The following SMOC1 variants were observed in gnomAD, a reference collection of about 807,000 sequenced individuals.
SMOC1 encodes the protein SPARC-related modular calcium-binding protein 1.
SMOC1 carries 22 observed loss-of-function variants against 56.3 expected under a neutral mutation model. The ratio of observed to expected loss-of-function variants is 0.39; its 90% CI spans 0.28 to 0.56. The LOEUF (loss-of-function observed/expected upper bound fraction) is 0.56, where lower values mean the gene tolerates loss of function less well. Among genes scored for constraint, SMOC1 ranks in the 20% least tolerant of loss-of-function variants. The pLI is 0.61. For missense variants in SMOC1, 509 were observed against 565.4 expected (o/e 0.90, Z 1.01); for synonymous variants, 193 against 215.0 (o/e 0.90, Z 0.89).
At chr14:69,968,649 G>A (rs1249201191) in intron 3 of SMOC1, among the ~76,000 whole-genome samples, 1 of 152,178 alleles carries the variant, frequency 6.6e-6, no homozygotes, top group Non-Finnish European at 1.5e-5. Context: ...CCTGCTATCC[G>A]ATTTGGAGTA....
At chr14:69,948,545 T>C (rs1173232131) in intron 1 of SMOC1, among the ~76,000 whole-genome samples, 4 of 152,122 alleles carry the variant, frequency 2.6e-5, no homozygotes, top group African/African-American at 7.2e-5. Context: ...CAATCCATTT[T>C]CAAACCGATT....
At chr14:69,963,963 G>A (rs1394432261) in intron 3 of SMOC1, among the ~76,000 whole-genome samples, 1 of 152,076 alleles carries the variant, frequency 6.6e-6, no homozygotes, top group Non-Finnish European at 1.5e-5. Context: ...TAAGATGAGG[G>A]TGGATGGAGC....
intron 3 of SMOC1, among the ~76,000 whole-genome samples, chr14:69,973,726 G>A (rs1043538014): frequency 2.6e-5 from 4 of 152,288 alleles, no homozygotes; most frequent in Admixed American, 2.6e-4. Context: ...GGTCCATAGC[G>A]AAACAACTTG....
chr14:69,932,765 T>G (rs758714767), intron 1 of SMOC1, among the ~76,000 whole-genome samples: 1 of 152,146 alleles, frequency 6.6e-6, no homozygotes, highest in Non-Finnish European at 1.5e-5. Flanking sequence ...GGTGACCACT[T>G]ACAGGAGCTG....
intron 5 of SMOC1, among the ~76,000 whole-genome samples, chr14:69,988,812 A>G (rs1884459865): frequency 6.6e-6 from 1 of 152,206 alleles, no homozygotes; most frequent in Non-Finnish European, 1.5e-5. Flanking sequence ...TGTGGTATTT[A>G]CATCTGGATT....
chr14:69,916,465 A>G (rs2139357167), intron 1 of SMOC1, among the ~76,000 whole-genome samples: 1 of 152,152 alleles, frequency 6.6e-6, no homozygotes, highest in Middle Eastern at 3.4e-3. Flanking sequence ...AGATCAGATC[A>G]TTCACTCCTC....
In SMOC1 at chr14:69,953,511, C is replaced by T. The variant is rs1360054345; in HGVS notation, c.357C>T (p.Gly119=). Residue 119 remains glycine, a synonymous_variant, in exon 3 of 12, where the codon GGC becomes GGT. Coordinates refer to ENST00000361956, the MANE Select transcript of SMOC1 (RefSeq NM_001034852.3). ...PQEAVFVPEC[G]EDGSFTQVQC... ...AAGCTGTGTTTGTCCCAGAGTGTGGCGAGGATGGCTCCTTTACCCAGGTGA... is the reference window on the plus strand; with the variant it reads ...AAGCTGTGTTTGTCCCAGAGTGTGGTGAGGATGGCTCCTTTACCCAGGTGA... 15 of 1,614,184 alleles carry T rather than the reference C, an allele frequency of 9.3e-6. No homozygotes were observed. Among genetic ancestry groups the T allele is most frequent in the East Asian group, 2.2e-5 (1 of 44,878 alleles).
chr14:69,981,648 A>G (rs531347321), intron 5 of SMOC1, among the ~76,000 whole-genome samples: 37 of 152,296 alleles, frequency 2.4e-4, no homozygotes, highest in African/African-American at 8.2e-4. Context: ...CTGAAAATGC[A>G]CTGCTAAAAC....
intron 3 of SMOC1, among the ~76,000 whole-genome samples, chr14:69,972,166 C>T (rs185593179): frequency 5.3e-5 from 8 of 152,274 alleles, no homozygotes; most frequent in African/African-American, 1.9e-4. Flanking sequence ...TTCAAGGCTG[C>T]AGAAGGAGTT....
At chr14:69,882,089 T>G (rs541266358) in intron 1 of SMOC1, among the ~76,000 whole-genome samples, 1 of 152,324 alleles carries the variant, frequency 6.6e-6, no homozygotes, top group South Asian at 2.1e-4. Context: ...TTAATATTTT[T>G]TTGGTGTCTG....
intron 3 of SMOC1, among the ~76,000 whole-genome samples, chr14:69,964,380 CTTTT>C (rs57468516): frequency 7.2e-6 from 1 of 139,134 alleles, no homozygotes; most frequent in African/African-American, 2.7e-5. Flanking sequence ...CTCTGGTATT[CTTTT>C]TTTTTTTTTT....
Position 69,971,731 on chromosome 14 carries a change from T to A in SMOC1, c.379-3984T>A, listed in dbSNP as rs143034458. Among the ~76,000 whole-genome samples the A allele has an allele frequency of 3.9e-5, 6 of 152,304 alleles. No homozygotes were observed. In the East Asian group the frequency reaches 1.2e-3, roughly 29 times the overall value. ...ATCTTGATCATGTATATAGAAACCA[T>A]CAATTCAAAGAATTTACACCCTGAT... On this transcript the variant is annotated intron_variant, in intron 3 of 11. Transcript: ENST00000361956.
At chr14:69,895,325 A>T (rs2139312232) in intron 1 of SMOC1, among the ~76,000 whole-genome samples, 1 of 152,356 alleles carries the variant, frequency 6.6e-6, no homozygotes. Flanking sequence ...AGTAGAGCTG[A>T]TAGAACAAGT....
At chr14:69,925,769 T>C (rs925852115) in intron 1 of SMOC1, among the ~76,000 whole-genome samples, 1 of 152,238 alleles carries the variant, frequency 6.6e-6, no homozygotes, top group Admixed American at 6.5e-5. Context: ...AGGGGTTCAC[T>C]GTAGACCAGG....
At chr14:69,880,240 A>AG (rs1437306880) in intron 1 of SMOC1, among the ~76,000 whole-genome samples, 2 of 152,104 alleles carry the variant, frequency 1.3e-5, no homozygotes, top group African/African-American at 2.4e-5. Flanking sequence ...GAGCCACACA[A>AG]GGACCTTGTG....
intron 7 of SMOC1, among the ~76,000 whole-genome samples, chr14:70,003,451 T>C (rs768769010): frequency 6.6e-6 from 1 of 152,198 alleles, no homozygotes; most frequent in Non-Finnish European, 1.5e-5. Flanking sequence ...GCAGCCTCTG[T>C]GGTCTCATCC....
intron 1 of SMOC1, among the ~76,000 whole-genome samples, chr14:69,889,848 C>G (rs959091201): frequency 6.6e-6 from 1 of 152,202 alleles, no homozygotes; most frequent in Admixed American, 6.5e-5. Context: ...TTAAAGCTAG[C>G]AATCATTGGC....
chr14:70,017,735 G>C (rs1885570050), intron 10 of SMOC1, among the ~76,000 whole-genome samples: 1 of 152,196 alleles, frequency 6.6e-6, no homozygotes, highest in Admixed American at 6.5e-5. Flanking sequence ...TGGGGCATCT[G>C]AAGAAAAGGG....
chr14:69,953,159 C>A (rs201335205), intron 2 of SMOC1, among the ~76,000 whole-genome samples: 1 of 146,574 alleles, frequency 6.8e-6, no homozygotes, highest in African/African-American at 2.5e-5. Context: ...ATTTTTTTTT[C>A]TATGGGGCCA....
Sources: allele counts gnomAD v4.1 joint callset (sites outside exome capture counted in the v4.1 genomes callset), GRCh38; gene constraint gnomAD v4.1.1; transcripts MANE v1.5; gene names NCBI Gene and HGNC (gene_info 2026-07-23, HGNC 2026-07-21).